Variants in NAV3 observed in about 807,000 individuals in gnomAD.
NAV3 encodes the protein pore membrane and/or filament interacting like protein 1.
In NAV3, 87 loss-of-function variants were observed where a neutral mutation model predicts 244.7. That is an observed-to-expected ratio of 0.36 (90% CI 0.30 to 0.42). The LOEUF (loss-of-function observed/expected upper bound fraction) is 0.42, where lower values mean the gene tolerates loss of function less well. Among genes scored for constraint, NAV3 ranks in the 20% least tolerant of loss-of-function variants. The probability of loss-of-function intolerance (pLI) is 1.00; values close to 1 mark genes in which losing one functional copy is unlikely to be tolerated. For synonymous variants in NAV3, 1,126 were observed against 1,042.2 expected, an observed-to-expected ratio of 1.08 and a Z score of -1.55; for missense variants, 2,663 against 2,893.3, an observed-to-expected ratio of 0.92 and a Z score of 1.83.
chr12:77,960,199 G>A (rs1891759350), intron 3 of NAV3, among the ~76,000 whole-genome samples: 1 of 151,686 alleles, frequency 6.6e-6, no homozygotes, highest in African/African-American at 2.4e-5. Flanking sequence ...AGCTCATCAG[G>A]GTCAATGTTC....
intron 2 of NAV3, among the ~76,000 whole-genome samples, chr12:77,778,945 G>A (rs568624338): frequency 5.3e-4 from 81 of 152,314 alleles, no homozygotes; most frequent in Middle Eastern, 6.8e-3. Context: ...TATGTAATGT[G>A]TGTGTTGGAA....
chr12:77,871,537 G>C (rs957044618), intron 1 of NAV3, among the ~76,000 whole-genome samples: 1 of 152,110 alleles, frequency 6.6e-6, no homozygotes, highest in Non-Finnish European at 1.5e-5. Context: ...AACATGCAGT[G>C]TTTGGTTTTC....
At chr12:77,599,295 T>G (rs1870313472) in intron 2 of NAV3, among the ~76,000 whole-genome samples, 1 of 152,140 alleles carries the variant, frequency 6.6e-6, no homozygotes, top group African/African-American at 2.4e-5. Flanking sequence ...TGATCTTGAA[T>G]TATTCAATTG....
rs1357151917 is a variant in NAV3, at chr12:78,118,067, C to G, written c.2810C>G (p.Thr937Ser). ...DSEKRSTTDE[T>S]WDSPEELKKP... is the part of the protein sequence containing the mutation. ...GAGAAACGCTCCACCACAGACGAGA[C>G]CTGGGATAGTCCTGAGGAACTGAAA... Residue 937 changes from threonine to serine, a missense_variant, in exon 14 of 40, where the codon ACC (threonine) becomes AGC (serine). This residue lies in a region of NAV3 where 1,521 missense variants were observed against 1,497.0 expected (regional missense o/e 1.02). Coordinates refer to ENST00000397909, the MANE Select transcript of NAV3 (RefSeq NM_001024383.2). 2 of 1,613,720 alleles carry G rather than the reference C, an allele frequency of 1.2e-6. No homozygotes were observed. The highest frequency in any genetic ancestry group is 1.7e-5 in the Admixed American group (1 of 59,982).
chr12:77,958,493 A>G (rs2137784146), intron 3 of NAV3, among the ~76,000 whole-genome samples: 1 of 152,282 alleles, frequency 6.6e-6, no homozygotes, highest in South Asian at 2.1e-4. Flanking sequence ...ACCAATTTCT[A>G]TTACATTTGT....
At chr12:77,767,564 C>G (rs1207576157) in intron 2 of NAV3, among the ~76,000 whole-genome samples, 1 of 152,210 alleles carries the variant, frequency 6.6e-6, no homozygotes, top group Non-Finnish European at 1.5e-5. Flanking sequence ...CTGCATACAG[C>G]CAAGCACACT....
chr12:78,181,722 G>A (rs575501063), intron 30 of NAV3, among the ~76,000 whole-genome samples: 1 of 152,106 alleles, frequency 6.6e-6, no homozygotes, highest in South Asian at 2.1e-4. Flanking sequence ...AGGATCTATG[G>A]TAATTGTGAA....
At chr12:77,925,615 T>C (rs1565926650) in intron 1 of NAV3, among the ~76,000 whole-genome samples, 1 of 152,136 alleles carries the variant, frequency 6.6e-6, no homozygotes, top group Non-Finnish European at 1.5e-5. Context: ...TGTGGTTGGC[T>C]CATTATTTGA....
chr12:78,174,767 A>T (rs2139637157), intron 24 of NAV3, among the ~76,000 whole-genome samples: 1 of 152,048 alleles, frequency 6.6e-6, no homozygotes, highest in African/African-American at 2.4e-5. Context: ...CAAGTTACTT[A>T]ACTTCTTTTC....
chr12:77,787,918 A>G (rs1870982798), intron 2 of NAV3, among the ~76,000 whole-genome samples: 1 of 152,240 alleles, frequency 6.6e-6, no homozygotes. Flanking sequence ...AGCATATTTA[A>G]AAATATTTTC....
intron 2 of NAV3, among the ~76,000 whole-genome samples, chr12:77,734,631 G>A (rs1417669088): frequency 6.6e-6 from 1 of 152,108 alleles, no homozygotes; most frequent in African/African-American, 2.4e-5. Flanking sequence ...GCAATAAATT[G>A]CAAAATGTGC....
chr12:77,685,707 T>C (rs973186442), intron 2 of NAV3, among the ~76,000 whole-genome samples: 3 of 152,080 alleles, frequency 2.0e-5, no homozygotes, highest in Non-Finnish European at 4.4e-5. Context: ...GCCAACCCAT[T>C]TCAAACCTCA....
chr12:77,853,430 G>T (rs772268479), intron 1 of NAV3, among the ~76,000 whole-genome samples: 23 of 152,248 alleles, frequency 1.5e-4, no homozygotes, highest in Admixed American at 6.5e-4. Context: ...TCCATGGGTT[G>T]TGTTTTCCCT....
chr12:78,200,430 TA>T (rs2140028272), intron 37 of NAV3, 42 bp from the exon 38 acceptor site: 2 of 1,235,304 alleles, frequency 1.6e-6, no homozygotes, highest in Non-Finnish European at 2.3e-6. Flanking sequence ...TTTAGATTAT[TA>T]AATATAACTC....
At position 77,574,718 on chromosome 12, in the gene NAV3, G is replaced by A. The variant is rs536088324; in HGVS notation, c.72+2452G>A. On this transcript the variant is annotated intron_variant, in intron 2 of 8. Transcript: ENST00000550042. Reference sequence around the variant, plus strand: ...CACCTATTCTAAGCACTACACAACCGATCTCTTATTCAGCTTACAATAAAT... The same window carrying A: ...CACCTATTCTAAGCACTACACAACCAATCTCTTATTCAGCTTACAATAAAT... Among the ~76,000 whole-genome samples the A allele has an allele frequency of 7.2e-5, 11 of 152,134 alleles. No individual in the cohort carries two copies. In the East Asian group the frequency reaches 1.2e-3, roughly 16 times the overall value.
At chr12:77,706,568 C>G (rs1592601679) in intron 2 of NAV3, among the ~76,000 whole-genome samples, 1 of 150,964 alleles carries the variant, frequency 6.6e-6, no homozygotes, top group East Asian at 1.9e-4. Context: ...ATGAGAGACC[C>G]ATAATTAAAA....
intron 31 of NAV3, among the ~76,000 whole-genome samples, chr12:78,186,476 C>G (rs1464094066): frequency 6.6e-6 from 1 of 151,816 alleles, no homozygotes; most frequent in African/African-American, 2.4e-5. Flanking sequence ...CAACTTTCTG[C>G]TTGAGCTGCA....
chr12:77,845,235 T>G (rs191429150), intron 1 of NAV3, among the ~76,000 whole-genome samples: 1 of 152,218 alleles, frequency 6.6e-6, no homozygotes, highest in Non-Finnish European at 1.5e-5. Context: ...CAGTCTTGTT[T>G]TGAAGAAAAA....
chr12:77,773,421 A>G (rs1870198100), intron 2 of NAV3, among the ~76,000 whole-genome samples: 1 of 152,194 alleles, frequency 6.6e-6, no homozygotes, highest in Non-Finnish European at 1.5e-5. Flanking sequence ...ATTTTAAGGA[A>G]AATCAACTGC....
Sources: allele counts gnomAD v4.1 joint callset (sites outside exome capture counted in the v4.1 genomes callset), GRCh38; gene constraint gnomAD v4.1.1; regional missense constraint gnomAD v4.1.1; transcripts MANE v1.5; gene names NCBI Gene and HGNC (gene_info 2026-07-23, HGNC 2026-07-21).